SYT9: variants seen among roughly 807,000 people sequenced by gnomAD.
SYT9 encodes the protein synaptotagmin-9.
In SYT9, 22 loss-of-function variants were observed where a neutral mutation model predicts 48.4. The ratio of observed to expected loss-of-function variants is 0.45; its 90% CI spans 0.32 to 0.65. SYT9 has a LOEUF of 0.65. Among genes scored for constraint, SYT9 ranks in the 30% least tolerant of loss-of-function variants. SYT9 has a pLI of 0.03. For missense variants in SYT9, 577 were observed against 622.0 expected, an observed-to-expected ratio of 0.93 and a Z score of 0.77; for synonymous variants, 265 against 245.0, an observed-to-expected ratio of 1.08 and a Z score of -0.76.
At chr11:7,269,197 C>T (rs1848249856) in intron 1 of SYT9, among the ~76,000 whole-genome samples, 1 of 151,634 alleles carries the variant, frequency 6.6e-6, no homozygotes, top group East Asian at 1.9e-4. Context: ...CTGGTAAAGA[C>T]AGCATTTCAA....
chr11:7,294,270 A>C (rs1439133815), intron 1 of SYT9, among the ~76,000 whole-genome samples: 1 of 152,218 alleles, frequency 6.6e-6, no homozygotes, highest in Non-Finnish European at 1.5e-5. Context: ...TTAAATCTAT[A>C]TCATTCCACT....
chr11:7,342,710 C>A (rs1271787731), intron 3 of SYT9, among the ~76,000 whole-genome samples: 2 of 152,202 alleles, frequency 1.3e-5, no homozygotes, highest in Admixed American at 6.5e-5. Flanking sequence ...CCTCTTCTCA[C>A]AGCTCCAGTA....
chr11:7,456,382 C>T (rs1848150303), intron 6 of SYT9, among the ~76,000 whole-genome samples: 1 of 152,234 alleles, frequency 6.6e-6, no homozygotes, highest in Non-Finnish European at 1.5e-5. Context: ...CACAGCTCCT[C>T]ACAGTGGGTG....
intron 3 of SYT9, among the ~76,000 whole-genome samples, chr11:7,386,932 A>G (rs1850672480): frequency 6.6e-6 from 1 of 152,232 alleles, no homozygotes; most frequent in South Asian, 2.1e-4. Context: ...GATTAAGAAA[A>G]TGTGGCACAT....
At chr11:7,247,566 TATACAC>T, upstream of SYT9, among the ~76,000 whole-genome samples, 1 of 147,958 alleles carries the variant, frequency 6.8e-6, no homozygotes, top group Non-Finnish European at 1.5e-5. Flanking sequence ...TATACACATA[TATACAC>T]ATATACATAT....
chr11:7,445,955 T>C (rs191922056), intron 6 of SYT9, among the ~76,000 whole-genome samples: 56 of 152,354 alleles, frequency 3.7e-4, no homozygotes, highest in Non-Finnish European at 7.3e-4. Flanking sequence ...GGTACGTGGC[T>C]CCTGTGCTGA....
chr11:7,434,727 ATTT>A (rs1847670355), intron 6 of SYT9, among the ~76,000 whole-genome samples: 2 of 152,200 alleles, frequency 1.3e-5, no homozygotes, highest in African/African-American at 4.8e-5. Context: ...TGTTGTCAAT[ATTT>A]ATTATAAGCA....
intron 3 of SYT9, among the ~76,000 whole-genome samples, chr11:7,345,363 T>C (rs1466399402): frequency 6.6e-6 from 1 of 152,262 alleles, no homozygotes; most frequent in Non-Finnish European, 1.5e-5. Flanking sequence ...CATATCTTCA[T>C]TACCTGATGT....
intron 3 of SYT9, among the ~76,000 whole-genome samples, chr11:7,403,135 C>T (rs1846930492): frequency 6.6e-6 from 1 of 152,124 alleles, no homozygotes; most frequent in Non-Finnish European, 1.5e-5. Flanking sequence ...ATATTTAGTG[C>T]TGTAAATTTC....
intron 6 of SYT9, among the ~76,000 whole-genome samples, chr11:7,443,859 G>T (rs1210805511): frequency 1.3e-5 from 2 of 152,208 alleles, no homozygotes; most frequent in African/African-American, 4.8e-5. Context: ...CATGGATTTT[G>T]CATAACTATT....
At chr11:7,259,678 T>C (rs533242788) in intron 1 of SYT9, among the ~76,000 whole-genome samples, 7 of 152,168 alleles carry the variant, frequency 4.6e-5, no homozygotes, top group Non-Finnish European at 8.8e-5. Context: ...TACTCTTAAG[T>C]GAATTTTTTG....
At chr11:7,456,145 C>T (rs12791133) in intron 6 of SYT9, among the ~76,000 whole-genome samples, 1 of 152,232 alleles carries the variant, frequency 6.6e-6, no homozygotes, top group African/African-American at 2.4e-5. Context: ...TCTGTCTTCT[C>T]TCCTGATGTG....
intron 3 of SYT9, chr11:7,314,275 G>A (rs867998032): frequency 6.6e-6 from 3 of 454,824 alleles, no homozygotes; most frequent in Non-Finnish European, 1.3e-5. Context: ...TGTGCTGAAT[G>A]GAACCTGGCA....
At chr11:7,435,792 C>T (rs182537396) in intron 6 of SYT9, 1 of 152,274 alleles carries the variant, frequency 6.6e-6, no homozygotes, top group Non-Finnish European at 1.5e-5. Context: ...ATCAGCCCGA[C>T]TAACATAGTG....
chr11:7,373,695 A>G (rs1013667927), intron 3 of SYT9, among the ~76,000 whole-genome samples: 1 of 152,094 alleles, frequency 6.6e-6, no homozygotes, highest in Non-Finnish European at 1.5e-5. Flanking sequence ...ACCAGTTTCA[A>G]CCTACAAAAA....
chr11:7,335,441 A>AT (rs919277088), intron 3 of SYT9, among the ~76,000 whole-genome samples: 3 of 151,792 alleles, frequency 2.0e-5, no homozygotes, highest in Non-Finnish European at 4.4e-5. Flanking sequence ...CCCAATAATT[A>AT]TTTTTTCTGA....
chr11:7,290,099 G>C (rs1430183599), intron 1 of SYT9, among the ~76,000 whole-genome samples: 5 of 152,150 alleles, frequency 3.3e-5, no homozygotes, highest in Non-Finnish European at 7.3e-5. Flanking sequence ...GTTTTACATT[G>C]GAACAAAGTC....
At chr11:7,449,349 AATG>A (rs1847999864) in intron 6 of SYT9, among the ~76,000 whole-genome samples, 1 of 148,278 alleles carries the variant, frequency 6.7e-6, no homozygotes, top group African/African-American at 2.6e-5. Context: ...AAAAAAAAAA[AATG>A]GAGCAAAAGC....
At chr11:7,417,847 A>G in intron 4 of SYT9, 110 bp from the exon 5 acceptor site, 5 of 1,070,380 alleles carry the variant, frequency 4.7e-6, no homozygotes, top group Non-Finnish European at 6.6e-6. Flanking sequence ...GTCCACAGGC[A>G]GGTAAAGGAG....
Sources: gnomAD v4.1 joint callset for allele counts (sites outside exome capture counted in the v4.1 genomes callset) on GRCh38, gnomAD v4.1.1 for gene constraint, MANE v1.5 for transcripts, NCBI Gene and HGNC (gene_info 2026-07-23, HGNC 2026-07-21) for gene names.